The following GSE1 variants were observed in gnomAD, a reference collection of about 807,000 sequenced individuals.
GSE1 encodes the protein Gse1 coiled-coil protein, also known as genetic suppressor element 1.
A neutral mutation model predicts 112.6 loss-of-function variants in GSE1; 32 were observed. That is an observed-to-expected ratio of 0.28 (90% CI 0.21 to 0.38). GSE1 has a LOEUF of 0.38. Among genes scored for constraint, GSE1 ranks in the 10% least tolerant of loss-of-function variants. GSE1 has a pLI of 1.00. For synonymous variants in GSE1, 1,115 were observed against 735.6 expected, an observed-to-expected ratio of 1.52 and a Z score of -8.35; for missense variants, 2,348 against 1,699.2, an observed-to-expected ratio of 1.38 and a Z score of -6.71.
chr16:85,188,628 G>A (rs921491290), intron 1 of GSE1, among the ~76,000 whole-genome samples: 10 of 151,598 alleles, frequency 6.6e-5, no homozygotes, highest in Admixed American at 1.3e-4. Context: ...ATAGCAAGAC[G>A]CCATCTCTAC....
At position 85,201,296 on chromosome 16, in the gene GSE1, C is replaced by G. The variant is rs1418047597; in HGVS notation, c.2283+29489C>G. Reference sequence around the variant, plus strand: ...GTGTTGCTCAGGCTGAGTTTGAACTCCTAGGCTCGAGTGATCCTTGCAACT... The same window carrying G: ...GTGTTGCTCAGGCTGAGTTTGAACTGCTAGGCTCGAGTGATCCTTGCAACT... On this transcript the variant is annotated intron_variant, in intron 1 of 2. Transcript: ENST00000637419. Among the ~76,000 whole-genome samples the G allele has an allele frequency of 5.3e-5, 8 of 151,550 alleles. No individual in the cohort carries two copies. The East Asian group carries it at 1.5e-3, about 29-fold the overall frequency.
chr16:85,492,751 A>C (rs2051050504), intron 2 of GSE1, among the ~76,000 whole-genome samples: 2 of 151,908 alleles, frequency 1.3e-5, no homozygotes, highest in African/African-American at 4.8e-5. Flanking sequence ...TCCCTGGGGG[A>C]TTCTGACACA....
intron 2 of GSE1, among the ~76,000 whole-genome samples, chr16:85,641,410 G>A (rs9925740): frequency 0.88 from 133,578 of 151,924 alleles, 58,942 homozygotes; most frequent in African/African-American, 0.95. Context: ...ATGGGAGCCC[G>A]CCACTGGCTG....
chr16:85,360,597 G>A (rs991765719), intron 2 of GSE1, among the ~76,000 whole-genome samples: 1 of 152,186 alleles, frequency 6.6e-6, no homozygotes, highest in Admixed American at 6.5e-5. Flanking sequence ...GCTGTCTCCC[G>A]GGCCCAGCTG....
At chr16:85,215,087 C>T (rs928882674) in intron 1 of GSE1, among the ~76,000 whole-genome samples, 1 of 152,172 alleles carries the variant, frequency 6.6e-6, no homozygotes, top group African/African-American at 2.4e-5. Context: ...TGACCCCTGA[C>T]ACAGGCTACA....
chr16:85,348,456 T>TAG (rs2046788107), intron 1 of GSE1, among the ~76,000 whole-genome samples: 1 of 152,154 alleles, frequency 6.6e-6, no homozygotes, highest in African/African-American at 2.4e-5. Context: ...ATTCCCTAGA[T>TAG]TACCTTCACT....
intron 2 of GSE1, among the ~76,000 whole-genome samples, chr16:85,453,273 A>G (rs2049735616): frequency 6.6e-6 from 1 of 152,066 alleles, no homozygotes; most frequent in South Asian, 2.1e-4. Context: ...GGGGACCCTG[A>G]GCAGCCCGCC....
intron 2 of GSE1, among the ~76,000 whole-genome samples, chr16:85,416,150 G>A (rs2048697968): frequency 2.0e-5 from 3 of 152,154 alleles, no homozygotes; most frequent in East Asian, 1.9e-4. Flanking sequence ...TTTAGATGCC[G>A]ATCCAGAAGA....
chr16:85,384,582 C>T (rs2047643258), intron 2 of GSE1, among the ~76,000 whole-genome samples: 1 of 152,242 alleles, frequency 6.6e-6, no homozygotes, highest in Non-Finnish European at 1.5e-5. Flanking sequence ...TTCCTTGCCC[C>T]TGGGCCTCAC....
At chr16:85,240,601 G>T (rs1428171153) in intron 1 of GSE1, among the ~76,000 whole-genome samples, 1 of 152,238 alleles carries the variant, frequency 6.6e-6, no homozygotes, top group Non-Finnish European at 1.5e-5. Context: ...AGTTCCCGCT[G>T]CTAGGGGTCT....
chr16:85,657,272 C>T lies in GSE1; in HGVS notation c.1313-5C>T, dbSNP rs79799872. 2.1e-5 allele frequency: 33 copies of T among 1,538,042 alleles called. No individual in the cohort carries two copies. The highest frequency in any genetic ancestry group is 2.8e-5 in the Non-Finnish European group (32 of 1,141,890). On this transcript the variant is annotated splice_polypyrimidine_tract_variant and splice_region_variant and intron_variant, in intron 7 of 15. Coordinates refer to ENST00000253458, the MANE Select transcript of GSE1 (RefSeq NM_014615.5). ...GATCCTGCTTGACCGTGTTTCCCCC[C>T]ACAGAGAAGCTGAAGGATGCCGGCC...
At chr16:85,346,176 G>A (rs1597450024) in intron 1 of GSE1, among the ~76,000 whole-genome samples, 1 of 142,608 alleles carries the variant, frequency 7.0e-6, no homozygotes, top group South Asian at 2.5e-4. Context: ...GTGGGTGGAT[G>A]AATGGATGGA....
At chr16:85,509,227 A>G (rs114897802) in intron 2 of GSE1, among the ~76,000 whole-genome samples, 2,569 of 152,314 alleles carry the variant, frequency 0.017, 92 homozygotes, top group African/African-American at 0.059. Context: ...GCAAGGGGGC[A>G]GGAAGGGTTG....
At position 85,272,069 on chromosome 16, in the gene GSE1, C is replaced by T. The variant is rs551347755; in HGVS notation, c.2284-85394C>T. ...GGGCATGGTGCCGCCAGCCTGAGGGCAGATGGCCCCAGACCCGTATCCTGC... is the reference window on the plus strand; with the variant it reads ...GGGCATGGTGCCGCCAGCCTGAGGGTAGATGGCCCCAGACCCGTATCCTGC... On this transcript the variant is annotated intron_variant, in intron 1 of 2. Transcript: ENST00000637419. Among the ~76,000 whole-genome samples, 46 of 152,216 alleles carry T rather than the reference C, an allele frequency of 3.0e-4. 1 individual carries two copies. The highest frequency in any genetic ancestry group is 6.2e-4 in the Non-Finnish European group (42 of 68,038).
intron 2 of GSE1, among the ~76,000 whole-genome samples, chr16:85,362,052 T>A (rs1356238347): frequency 6.6e-6 from 1 of 152,154 alleles, no homozygotes; most frequent in East Asian, 1.9e-4. Context: ...ACTTGCTGGC[T>A]GCCGGGAGTA....
intron 1 of GSE1, among the ~76,000 whole-genome samples, chr16:85,290,552 C>T (rs2045178731): frequency 1.3e-5 from 2 of 152,216 alleles, no homozygotes; most frequent in South Asian, 4.1e-4. Context: ...GCAGATTACA[C>T]ACTGCCCAAG....
intron 1 of GSE1, among the ~76,000 whole-genome samples, chr16:85,217,812 C>G (rs993016752): frequency 5.9e-5 from 9 of 152,172 alleles, no homozygotes. Flanking sequence ...GCCTCCTCCT[C>G]GAAGCCCTCC....
intron 2 of GSE1, among the ~76,000 whole-genome samples, chr16:85,534,831 G>T (rs2044270057): frequency 6.6e-6 from 1 of 152,190 alleles, no homozygotes; most frequent in South Asian, 2.1e-4. Flanking sequence ...TGTATTGATA[G>T]CCTGTTCCTT....
rs2053003943 is a variant in GSE1, at chr16:85,667,899, T to TA, written c.3131-241_3131-240insA. Among the ~76,000 whole-genome samples the TA allele has an allele frequency of 5.7e-5, 7 of 121,910 alleles. No homozygotes were observed. The South Asian group carries it at 1.9e-3, about 33-fold the overall frequency. The allele number at this position is 121,910 out of a possible 152,430, so 80.0% of individuals were successfully genotyped here. On this transcript the variant is annotated intron_variant, in intron 13 of 15. Transcript: ENST00000253458. ...TCTCAGAGATGAATTCCAACAAAAA[T>TA]GGTCCACGTACCAGAATCAACTAGC...
Sources: allele counts gnomAD v4.1 joint callset (sites outside exome capture counted in the v4.1 genomes callset), GRCh38; gene constraint gnomAD v4.1.1; transcripts MANE v1.5; gene names NCBI Gene and HGNC (gene_info 2026-07-23, HGNC 2026-07-21).